SGMS1: variants seen among roughly 807,000 people sequenced by gnomAD.
The protein encoded by SGMS1 is sphingomyelin synthase 1.
SGMS1 carries 13 observed loss-of-function variants against 46.2 expected under a neutral mutation model. The ratio of observed to expected loss-of-function variants is 0.28; its 90% confidence interval spans 0.18 to 0.45. The LOEUF is 0.45. Among genes scored for constraint, SGMS1 ranks in the 20% least tolerant of loss-of-function variants. SGMS1 has a pLI of 1.00. For synonymous variants in SGMS1, 203 were observed against 187.8 expected (o/e 1.08, Z -0.66); for missense variants, 324 against 519.9 (o/e 0.62, Z 3.66).
intron 6 of SGMS1, among the ~76,000 whole-genome samples, chr10:50,426,250 T>C (rs562287835): frequency 1.0e-3 from 154 of 152,330 alleles, no homozygotes; most frequent in African/African-American, 3.4e-3. Flanking sequence ...GAAAGTATTT[T>C]TCGTTTATAA....
At chr10:50,555,414 C>G (rs1306953162) in intron 2 of SGMS1, among the ~76,000 whole-genome samples, 3 of 152,148 alleles carry the variant, frequency 2.0e-5, no homozygotes, top group African/African-American at 7.2e-5. Context: ...CTTAAAGAAA[C>G]AGGGCAGGAC....
chr10:50,495,498 A>G (rs1837607603), intron 3 of SGMS1, among the ~76,000 whole-genome samples: 2 of 152,202 alleles, frequency 1.3e-5, no homozygotes, highest in South Asian at 4.1e-4. Context: ...TAGATGTTCA[A>G]AATCTAGCTT....
chr10:50,349,922 G>A (rs1017597465), intron 6 of SGMS1, among the ~76,000 whole-genome samples: 7 of 152,182 alleles, frequency 4.6e-5, no homozygotes, highest in Non-Finnish European at 1.0e-4. Flanking sequence ...GTAGGGTGTT[G>A]CTGAAAAGAT....
intron 3 of SGMS1, among the ~76,000 whole-genome samples, chr10:50,484,987 A>G (rs1271435158): frequency 6.6e-6 from 1 of 152,220 alleles, no homozygotes; most frequent in Admixed American, 6.5e-5. Context: ...AACCAGCACA[A>G]GACAAGGATG....
At chr10:50,316,246 G>A (rs1387893972) in intron 8 of SGMS1, among the ~76,000 whole-genome samples, 1 of 152,162 alleles carries the variant, frequency 6.6e-6, no homozygotes, top group Non-Finnish European at 1.5e-5. Context: ...AGCTTTGACA[G>A]CTTTGGTATA....
intron 5 of SGMS1, among the ~76,000 whole-genome samples, chr10:50,459,134 C>T (rs1158701468): frequency 1.3e-5 from 2 of 152,102 alleles, no homozygotes; most frequent in Admixed American, 1.3e-4. Context: ...ATATAAAAGT[C>T]CACTCCCGTC....
At chr10:50,517,835 G>A (rs533706878) in intron 3 of SGMS1, among the ~76,000 whole-genome samples, 4 of 151,994 alleles carry the variant, frequency 2.6e-5, no homozygotes, top group South Asian at 2.1e-4. Context: ...ATGTCCTGAC[G>A]GCAAAAATGA....
chr10:50,501,739 G>T (rs574466845), intron 3 of SGMS1, among the ~76,000 whole-genome samples: 1 of 152,236 alleles, frequency 6.6e-6, no homozygotes, highest in Admixed American at 6.5e-5. Flanking sequence ...GGTGCCACAG[G>T]AGTTTCCAGA....
chr10:50,460,034 G>C (rs1169751508), intron 5 of SGMS1: 1 of 152,084 alleles, frequency 6.6e-6, no homozygotes, highest in Admixed American at 6.6e-5. Flanking sequence ...AACACAGGCT[G>C]TGCCTTACAA....
chr10:50,339,069 C>A (rs971089907), intron 7 of SGMS1, among the ~76,000 whole-genome samples: 4 of 152,222 alleles, frequency 2.6e-5, no homozygotes, highest in Non-Finnish European at 5.9e-5. Context: ...CCCCCTGCTT[C>A]AACTCTTGCT....
chr10:50,471,670 G>T (rs1439227321), intron 3 of SGMS1, among the ~76,000 whole-genome samples: 1 of 152,134 alleles, frequency 6.6e-6, no homozygotes, highest in East Asian at 1.9e-4. Context: ...TTTAGCCTTT[G>T]CAGGTTGCCC....
At chr10:50,409,848 C>T (rs141255541) in intron 6 of SGMS1, among the ~76,000 whole-genome samples, 72 of 152,280 alleles carry the variant, frequency 4.7e-4, no homozygotes, top group Non-Finnish European at 7.5e-4. Context: ...ACCACAGGCT[C>T]TGGAACCCAA....
chr10:50,398,574 G>C (rs1388535307), intron 6 of SGMS1, among the ~76,000 whole-genome samples: 2 of 152,090 alleles, frequency 1.3e-5, no homozygotes, highest in South Asian at 2.1e-4. Flanking sequence ...ACTTCTCATG[G>C]GGGGAGGTTC....
intron 5 of SGMS1, among the ~76,000 whole-genome samples, chr10:50,436,933 C>G (rs1849481440): frequency 2.0e-5 from 3 of 152,168 alleles, no homozygotes; most frequent in African/African-American, 7.2e-5. Context: ...TCACACAGAA[C>G]TATGTTCTGC....
chr10:50,506,502 A>G (rs1165332989), intron 3 of SGMS1, among the ~76,000 whole-genome samples: 1 of 152,172 alleles, frequency 6.6e-6, no homozygotes, highest in Non-Finnish European at 1.5e-5. Flanking sequence ...TGAAAAATCC[A>G]TACATAGATA....
At chr10:50,323,821 T>C (rs73330922) in intron 8 of SGMS1, among the ~76,000 whole-genome samples, 10,115 of 152,248 alleles carry the variant, frequency 0.066, 1,073 homozygotes, top group African/African-American at 0.22. Context: ...CTCAAGTCTG[T>C]TTCTTCCTCT....
At chr10:50,478,101 C>G (rs1331267098) in intron 3 of SGMS1, among the ~76,000 whole-genome samples, 2 of 152,152 alleles carry the variant, frequency 1.3e-5, no homozygotes, top group Non-Finnish European at 2.9e-5. Flanking sequence ...TGATGGACAG[C>G]CTTGAATTCC....
At chr10:50,413,439 T>A (rs1306976418) in intron 6 of SGMS1, among the ~76,000 whole-genome samples, 1 of 152,218 alleles carries the variant, frequency 6.6e-6, no homozygotes, top group Non-Finnish European at 1.5e-5. Context: ...AGCTACTTGG[T>A]GATTTCGTTA....
rs990846721 is a variant in SGMS1 at position 50,519,274 on chromosome 10, T to A, written c.-498+557A>T. Among the ~76,000 whole-genome samples the A allele has an allele frequency of 4.6e-5, 7 of 152,202 alleles. No homozygotes were observed. The South Asian group carries it at 1.4e-3, about 31-fold the overall frequency. On this transcript the variant is annotated intron_variant, in intron 3 of 10. Coordinates refer to ENST00000361781, the MANE Select transcript of SGMS1 (RefSeq NM_147156.4). ...CAACGATAACACTAGAGACACTGTTTCGTTCATCTAACTTTTACGTTCTAG... is the reference window on the plus strand; with the variant it reads ...CAACGATAACACTAGAGACACTGTTACGTTCATCTAACTTTTACGTTCTAG...
Sources: gnomAD v4.1 joint callset for allele counts (sites outside exome capture counted in the v4.1 genomes callset) on GRCh38, gnomAD v4.1.1 for gene constraint, MANE v1.5 for transcripts, NCBI Gene and HGNC (gene_info 2026-07-23, HGNC 2026-07-21) for gene names.